CDH13: variants seen among roughly 807,000 people sequenced by gnomAD.
The protein encoded by CDH13 is cadherin-13.
CDH13 carries 24 observed loss-of-function variants against 63.8 expected under a neutral mutation model. The ratio of observed to expected loss-of-function variants is 0.38; its 90% CI spans 0.27 to 0.53. CDH13 has a LOEUF of 0.53. Among genes scored for constraint, CDH13 ranks in the 20% least tolerant of loss-of-function variants. The pLI, the probability that CDH13 is intolerant of heterozygous loss-of-function variation, is 0.85. For missense variants in CDH13, 1,049 were observed against 903.1 expected, an observed-to-expected ratio of 1.16 and a Z score of -2.07; for synonymous variants, 503 against 355.3, an observed-to-expected ratio of 1.42 and a Z score of -4.67.
intron 10 of CDH13, among the ~76,000 whole-genome samples, chr16:83,745,298 C>G (rs1376897964): frequency 6.6e-6 from 1 of 152,204 alleles, no homozygotes; most frequent in African/African-American, 2.4e-5. Context: ...TCTGGTACAT[C>G]CACTTTGCAG....
intron 2 of CDH13, among the ~76,000 whole-genome samples, chr16:82,883,721 C>A (rs2040784801): frequency 1.3e-5 from 2 of 152,206 alleles, no homozygotes; most frequent in Non-Finnish European, 2.9e-5. Flanking sequence ...CAGAATGGAG[C>A]AGCCTCTAAT....
intron 1 of CDH13, among the ~76,000 whole-genome samples, chr16:82,794,366 C>G (rs994912407): frequency 2.9e-5 from 3 of 104,412 alleles, no homozygotes; most frequent in Non-Finnish European, 5.0e-5. Context: ...CACTTTAAAT[C>G]AGGTTTAAAT....
chr16:83,363,449 T>C (rs1475732304), intron 6 of CDH13, among the ~76,000 whole-genome samples: 1 of 152,128 alleles, frequency 6.6e-6, no homozygotes, highest in East Asian at 1.9e-4. Context: ...AGCCTGTGAG[T>C]GGTCCTCACA....
chr16:83,370,145 TGGAA>T (rs2091337425), intron 6 of CDH13, among the ~76,000 whole-genome samples: 1 of 152,194 alleles, frequency 6.6e-6, no homozygotes, highest in African/African-American at 2.4e-5. Flanking sequence ...CCCAGCACTT[TGGAA>T]GTCTGAGGCG....
chr16:83,632,500 C>A (rs146449632), intron 8 of CDH13, among the ~76,000 whole-genome samples: 15 of 152,100 alleles, frequency 9.9e-5, no homozygotes, highest in Middle Eastern at 3.4e-3. Context: ...GTGCATTCTA[C>A]TAGACCCTCC....
In CDH13 at chr16:83,197,721, C is replaced by T. The variant is rs370098590; in HGVS notation, c.484-19624C>T. ...TGTATCTCAATGGTGGTGATGGATACGCAAGCCAATACGTAGATAAAACTG... is the reference window on the plus strand; with the variant it reads ...TGTATCTCAATGGTGGTGATGGATATGCAAGCCAATACGTAGATAAAACTG... On this transcript the variant is annotated intron_variant, in intron 4 of 13. Coordinates refer to ENST00000567109, the MANE Select transcript of CDH13 (RefSeq NM_001257.5). 1.9e-4 allele frequency among the ~76,000 whole-genome samples: 29 copies of T among 152,016 alleles called. No homozygotes were observed. In the South Asian group the frequency reaches 5.4e-3, roughly 28 times the overall value.
intron 10 of CDH13, among the ~76,000 whole-genome samples, chr16:83,734,755 A>AT (rs1567560505): frequency 1.0e-4 from 15 of 149,890 alleles, no homozygotes; most frequent in East Asian, 1.9e-4. Flanking sequence ...AATAATAATA[A>AT]AAACAGGGAT....
chr16:83,626,844 A>G (rs190419902), intron 8 of CDH13, among the ~76,000 whole-genome samples: 2 of 152,212 alleles, frequency 1.3e-5, no homozygotes, highest in Admixed American at 6.5e-5. Context: ...CGCTCTCCCT[A>G]GGACGCCTCG....
chr16:83,554,989 C>A (rs2075575332), intron 7 of CDH13, among the ~76,000 whole-genome samples: 1 of 151,392 alleles, frequency 6.6e-6, no homozygotes, highest in African/African-American at 2.4e-5. Context: ...CTGAGGCCAC[C>A]CCTGTGCCAC....
At chr16:82,905,775 G>C (rs1340678172) in intron 2 of CDH13, among the ~76,000 whole-genome samples, 1 of 152,016 alleles carries the variant, frequency 6.6e-6, no homozygotes, top group Non-Finnish European at 1.5e-5. Flanking sequence ...TTTGTACTAA[G>C]TTGTTAGAAT....
At chr16:83,398,324 G>C (rs2091917721) in intron 6 of CDH13, among the ~76,000 whole-genome samples, 1 of 152,118 alleles carries the variant, frequency 6.6e-6, no homozygotes. Flanking sequence ...GCCTCTTCCA[G>C]CTCCTGGTGG....
intron 6 of CDH13, among the ~76,000 whole-genome samples, chr16:83,366,598 C>T (rs890448086): frequency 2.0e-5 from 3 of 152,198 alleles, no homozygotes; most frequent in African/African-American, 7.2e-5. Context: ...TTAAGGAAGT[C>T]ACAGTTGCTG....
At chr16:82,653,818 A>G (rs1911001606) in intron 1 of CDH13, among the ~76,000 whole-genome samples, 1 of 152,158 alleles carries the variant, frequency 6.6e-6, no homozygotes, top group Non-Finnish European at 1.5e-5. Context: ...GGGGCGCAGG[A>G]TGGGAGACAG....
At chr16:83,010,273 C>G (rs762011259) in intron 2 of CDH13, among the ~76,000 whole-genome samples, 13 of 151,820 alleles carry the variant, frequency 8.6e-5, no homozygotes, top group Admixed American at 1.3e-4. Context: ...CCACGCCAAT[C>G]CCATCATTTT....
intron 5 of CDH13, among the ~76,000 whole-genome samples, chr16:83,221,191 C>T (rs938300494): frequency 1.3e-5 from 2 of 152,188 alleles, no homozygotes; most frequent in African/African-American, 4.8e-5. Context: ...AATTCCTTAG[C>T]TCCTTTCCTA....
At chr16:83,203,310 C>A (rs1167492612) in intron 4 of CDH13, among the ~76,000 whole-genome samples, 2 of 152,102 alleles carry the variant, frequency 1.3e-5, no homozygotes, top group African/African-American at 4.8e-5. Context: ...TAATTAGAAG[C>A]CAAGACCTCA....
chr16:83,051,417 A>T (rs2030324693), intron 3 of CDH13, among the ~76,000 whole-genome samples: 1 of 152,252 alleles, frequency 6.6e-6, no homozygotes, highest in African/African-American at 2.4e-5. Context: ...TTGATTTATT[A>T]TGTAACAATG....
At chr16:82,946,119 CTG>C (rs1340710704) in intron 2 of CDH13, among the ~76,000 whole-genome samples, 7 of 151,734 alleles carry the variant, frequency 4.6e-5, no homozygotes, top group Non-Finnish European at 1.5e-5. Context: ...TTGCCCTCCC[CTG>C]TGTCTTTTGC....
intron 1 of CDH13, among the ~76,000 whole-genome samples, chr16:82,842,011 C>T: frequency 6.7e-6 from 1 of 149,584 alleles, no homozygotes; most frequent in Non-Finnish European, 1.5e-5. Context: ...CTAGGATGCC[C>T]TTGGGTACCC....
Sources: gnomAD v4.1 joint callset for allele counts (sites outside exome capture counted in the v4.1 genomes callset) on GRCh38, gnomAD v4.1.1 for gene constraint, MANE v1.5 for transcripts, NCBI Gene and HGNC (gene_info 2026-07-23, HGNC 2026-07-21) for gene names.